HIVEP3: variants seen among roughly 807,000 people sequenced by gnomAD.
HIVEP3 encodes the protein HIVEP zinc finger 3, also known as transcription factor HIVEP3.
A neutral mutation model predicts 152.8 loss-of-function variants in HIVEP3; 49 were observed. The ratio of observed to expected loss-of-function variants is 0.32; its 90% CI spans 0.26 to 0.41. The LOEUF (loss-of-function observed/expected upper bound fraction) is 0.41, where lower values mean the gene tolerates loss of function less well. Among genes scored for constraint, HIVEP3 ranks in the 10% least tolerant of loss-of-function variants. The probability of loss-of-function intolerance (pLI) is 1.00; values close to 1 mark genes in which losing one functional copy is unlikely to be tolerated. For missense variants in HIVEP3, 2,790 were observed against 3,103.3 expected, an observed-to-expected ratio of 0.90 and a Z score of 2.40; for synonymous variants, 1,269 against 1,289.0, an observed-to-expected ratio of 0.98 and a Z score of 0.33.
chr1:41,737,506 G>C (rs963514607), intron 1 of HIVEP3, among the ~76,000 whole-genome samples: 3 of 152,154 alleles, frequency 2.0e-5, no homozygotes, highest in Admixed American at 2.0e-4. Flanking sequence ...CCCTGTCATT[G>C]GGTTTAGTGT....
chr1:41,623,136 G>C (rs1024091235), intron 3 of HIVEP3, among the ~76,000 whole-genome samples: 2 of 152,148 alleles, frequency 1.3e-5, no homozygotes, highest in Admixed American at 6.5e-5. Flanking sequence ...AGATCCCTTC[G>C]AGCCTCCCTG....
intron 1 of HIVEP3, among the ~76,000 whole-genome samples, chr1:41,714,045 A>G (rs1392688078): frequency 6.6e-6 from 1 of 152,230 alleles, no homozygotes; most frequent in African/African-American, 2.4e-5. Flanking sequence ...CCTCCTGCCC[A>G]GGGCTGCTCA....
intron 2 of HIVEP3, among the ~76,000 whole-genome samples, chr1:41,661,864 G>T (rs1452610693): frequency 6.6e-6 from 1 of 152,220 alleles, no homozygotes; most frequent in Non-Finnish European, 1.5e-5. Context: ...GAACGCTTGT[G>T]TCGCCCTAGG....
Position 41,511,194 on chromosome 1 carries a change from C to G in HIVEP3, c.6478G>C (p.Ala2160Pro), listed in dbSNP as rs138753684. ...ATGTGGCCGTGGAAGTCATGGAGGG[C>G]GGAGAAGGGTCGGGAGGAGAGAGGA... ...AHPLSSRPFS[A>P]LHDFHGHILA... The change falls in exon 9 of 9, where the codon GCC becomes CCC. Residue 2160 changes from alanine to proline, a missense_variant. Ala to Pro is a conservative substitution (Grantham distance 27). Coordinates refer to ENST00000372583, the MANE Select transcript of HIVEP3 (RefSeq NM_024503.5). This position sits in a 1 kb window ranked among gnomAD's most constrained non-coding sequence, Gnocchi z 4.9. 1 of 1,613,980 alleles carries G rather than the reference C, an allele frequency of 6.2e-7. No individual in the cohort carries two copies. The highest frequency in any genetic ancestry group is 1.3e-5 in the African/African-American group (1 of 75,008).
chr1:41,725,088 T>C (rs1646733064), intron 1 of HIVEP3, among the ~76,000 whole-genome samples: 1 of 152,198 alleles, frequency 6.6e-6, no homozygotes, highest in Non-Finnish European at 1.5e-5. Flanking sequence ...CCCAGAGTCA[T>C]ACAGCAAGTG....
chr1:41,958,685 G>A (rs943147478), intron 1 of HIVEP3, among the ~76,000 whole-genome samples: 1 of 152,164 alleles, frequency 6.6e-6, no homozygotes, highest in African/African-American at 2.4e-5. Flanking sequence ...AAATCCCAAG[G>A]CTTGGCTTGG....
At position 41,662,849 on chromosome 1, in the gene HIVEP3, A is replaced by T. The variant is rs1645738877; in HGVS notation, c.-720-33902T>A. ...TCGCACCCGGGCCCAGCGGGAGTCC[A>T]TCGCCGTCCCCAAAGTGTGCGCTCC... is the stretch of plus-strand genomic sequence containing the variant. On this transcript the variant is annotated intron_variant, in intron 2 of 8. Transcript: ENST00000372583. The surrounding 1 kb of genome is among the most constrained non-coding windows in gnomAD (Gnocchi z 7.2). 6.6e-6 allele frequency among the ~76,000 whole-genome samples: 1 copy of T among 152,100 alleles called. No homozygotes were observed. Among genetic ancestry groups the T allele is most frequent in the Non-Finnish European group, 1.5e-5 (1 of 67,972 alleles).
chr1:41,715,731 G>C (rs1410488234), intron 1 of HIVEP3, among the ~76,000 whole-genome samples: 1 of 152,206 alleles, frequency 6.6e-6, no homozygotes, highest in Non-Finnish European at 1.5e-5. Context: ...GCTACCATAG[G>C]GAAAATGAGA....
intron 1 of HIVEP3, among the ~76,000 whole-genome samples, chr1:41,800,702 G>A (rs1385786967): frequency 6.6e-6 from 1 of 152,248 alleles, no homozygotes; most frequent in Non-Finnish European, 1.5e-5. Flanking sequence ...TGTGTCCAGT[G>A]ATAGAGGATG....
intron 1 of HIVEP3, among the ~76,000 whole-genome samples, chr1:42,022,851 T>C (rs1645562249): frequency 6.6e-6 from 1 of 152,184 alleles, no homozygotes; most frequent in African/African-American, 2.4e-5. Context: ...CAGCTTTGAT[T>C]TTAGGCACTA....
At chr1:41,666,122 CGT>C (rs60976179) in intron 2 of HIVEP3, among the ~76,000 whole-genome samples, 46,230 of 149,418 alleles carry the variant, frequency 0.31, 9,274 homozygotes, top group East Asian at 0.56. Context: ...GGTGTGTGTG[CGT>C]GTGTGTGTGT....
upstream of HIVEP3, among the ~76,000 whole-genome samples, chr1:41,923,566 G>GTA (rs1339719539): frequency 6.6e-6 from 1 of 152,132 alleles, no homozygotes; most frequent in African/African-American, 2.4e-5. Context: ...AAGTTCTGGT[G>GTA]CCCTACTGTA....
rs116778209 is a variant in HIVEP3 at position 41,510,731 on chromosome 1, G to A, written c.6941C>T (p.Thr2314Ile). 4.5e-6 allele frequency: 7 copies of A among 1,553,570 alleles called. No homozygotes were observed. The African/African-American group carries it at 9.5e-5, about 21-fold the overall frequency. ...GCGTCCCTGGGGCGGCCGGGGCAAG[G>A]TGTCGGGTGGGGTGCAGGGGCTGTG... ...PTHSPCTPPD[T>I]LPRPPQGRRA... Residue 2314 changes from threonine (T) to isoleucine (I), a missense_variant, in exon 9 of 9, where the codon ACC (threonine) becomes ATC (isoleucine). Thr to Ile is a moderately conservative substitution (Grantham distance 89). Transcript: ENST00000372583.
intron 1 of HIVEP3, among the ~76,000 whole-genome samples, chr1:42,025,593 C>T (rs186542426): frequency 6.6e-6 from 1 of 152,312 alleles, no homozygotes; most frequent in Admixed American, 6.5e-5. Flanking sequence ...CTGTACTGCT[C>T]ATTGACCCTT....
rs138664504 is a variant in HIVEP3 at position 41,757,695 on chromosome 1, G to GTATTTATGTATT, written c.-800-56701_-800-56700insAATACATAAATA. On this transcript the variant is annotated intron_variant, in intron 1 of 8. Transcript: ENST00000372583. ...TCAGTCTGTTTATATTTTCTACTTT[G>GTATTTATGTATT]TATTTATTTATTTATTTATTTATTT... 3.4e-5 allele frequency among the ~76,000 whole-genome samples: 5 copies of GTATTTATGTATT among 145,238 alleles called. No individual in the cohort carries two copies. The South Asian group carries it at 6.7e-4, about 20-fold the overall frequency.
rs1294914720 is a variant in HIVEP3, at chr1:41,580,065, G to A, written c.4733C>T (p.Ser1578Phe). 8 of 1,614,210 alleles carry A rather than the reference G, an allele frequency of 5.0e-6. No homozygotes were observed. Among genetic ancestry groups the A allele is most frequent in the Non-Finnish European group, 5.9e-6 (7 of 1,180,038 alleles). ...PSSLPLSETS[S>F]RPAKSQEGTD... ...ACCTTCTTGTGACTTGGCTGGTCTGGAGGACGTTTCTGACAGAGGCAGAGA... is the reference window on the plus strand; with the variant it reads ...ACCTTCTTGTGACTTGGCTGGTCTGAAGGACGTTTCTGACAGAGGCAGAGA... Residue 1578 changes from serine to phenylalanine, a missense_variant, in exon 4 of 9, where the codon TCC (serine) becomes TTC (phenylalanine). This residue lies in a region of HIVEP3 where 1,078 missense variants were observed against 1,165.3 expected (regional missense o/e 0.93). Transcript: ENST00000372583.
At chr1:41,789,611 T>C (rs1290992054) in intron 1 of HIVEP3, among the ~76,000 whole-genome samples, 1 of 152,236 alleles carries the variant, frequency 6.6e-6, no homozygotes, top group African/African-American at 2.4e-5. Context: ...AACAAATCAA[T>C]GTAAACATAT....
intron 1 of HIVEP3, among the ~76,000 whole-genome samples, chr1:41,756,980 G>A (rs931576961): frequency 1.3e-5 from 2 of 151,998 alleles, no homozygotes; most frequent in African/African-American, 4.8e-5. Context: ...AGTGGCTCAT[G>A]CCTGTAATCC....
intron 2 of HIVEP3, among the ~76,000 whole-genome samples, chr1:41,677,339 A>G (rs1490743140): frequency 6.6e-6 from 1 of 152,260 alleles, no homozygotes; most frequent in Non-Finnish European, 1.5e-5. Flanking sequence ...AGAGAGAAAT[A>G]CAATAGTGTG....
Sources: allele counts gnomAD v4.1 joint callset (sites outside exome capture counted in the v4.1 genomes callset), GRCh38; gene constraint gnomAD v4.1.1; regional missense constraint gnomAD v4.1.1; non-coding constraint Gnocchi (gnomAD v3.1); transcripts MANE v1.5; gene names NCBI Gene and HGNC (gene_info 2026-07-23, HGNC 2026-07-21).